CASD1: variants seen among roughly 807,000 people sequenced by gnomAD.
The protein encoded by CASD1 is CAS1 domain sialic acid O acetyltransferase 1.
Under a neutral mutation model 100.0 loss-of-function variants are expected in CASD1, and 41 were observed. That is an observed-to-expected ratio of 0.41 (90% CI 0.32 to 0.53). The LOEUF (loss-of-function observed/expected upper bound fraction) is 0.53. CASD1 is among the 20% of genes least tolerant of loss of function. The pLI, the probability that CASD1 is intolerant of heterozygous loss-of-function variation, is 0.25. For missense variants in CASD1, 774 were observed against 948.7 expected, an observed-to-expected ratio of 0.82 and a Z score of 2.42; for synonymous variants, 321 against 315.6, an observed-to-expected ratio of 1.02 and a Z score of -0.18.
intron 3 of CASD1, 78 bp downstream of exon 3, chr7:94,518,401 C>A: frequency 1.6e-6 from 2 of 1,277,556 alleles, no homozygotes; most frequent in East Asian, 2.7e-5. Flanking sequence ...GTGTGTCTCT[C>A]CAGATTGAGT....
In CASD1 at chr7:94,518,868, T is replaced by C. The variant is rs374631174; in HGVS notation, c.351+545T>C. 1.2e-4 allele frequency among the ~76,000 whole-genome samples: 18 copies of C among 152,190 alleles called. No homozygotes were observed. In the South Asian group the frequency reaches 1.5e-3, roughly 12 times the overall value. On this transcript the variant is annotated intron_variant, in intron 3 of 17. Transcript: ENST00000297273. ...GCTTTTTATAGTTTTCTAATTTAATTTTGCAGTTAAAAAATACATTTTAAA... is the reference window on the plus strand; with the variant it reads ...GCTTTTTATAGTTTTCTAATTTAATCTTGCAGTTAAAAAATACATTTTAAA...
chr7:94,567,270 T>G, the CASD1 span, among the ~76,000 whole-genome samples: 1 of 152,182 alleles, frequency 6.6e-6, no homozygotes, highest in Non-Finnish European at 1.5e-5. Flanking sequence ...TTTATTATAG[T>G]GATTTATTTT....
At chr7:94,579,415 C>T in the CASD1 span, among the ~76,000 whole-genome samples, 10 of 151,792 alleles carry the variant, frequency 6.6e-5, 1 homozygote, top group Non-Finnish European at 1.3e-4. Context: ...TGTACTGCAC[C>T]CTATTAATTG....
the CASD1 span, chr7:94,599,513 C>G: frequency 1.7e-6 from 1 of 584,426 alleles, no homozygotes; most frequent in Non-Finnish European, 3.1e-6. Context: ...GTTTTCAAAC[C>G]CTTTTTAGTT....
At chr7:94,522,662 AT>A (rs66505752) in intron 3 of CASD1, among the ~76,000 whole-genome samples, 2 of 148,114 alleles carry the variant, frequency 1.4e-5, no homozygotes, top group Admixed American at 6.7e-5. Context: ...ATTTTTATTT[AT>A]TTTTTTTTTT....
intron 1 of CASD1, among the ~76,000 whole-genome samples, chr7:94,511,510 C>T (rs1049748707): frequency 3.3e-5 from 5 of 151,868 alleles, no homozygotes; most frequent in Non-Finnish European, 7.4e-5. Flanking sequence ...GGCCTCTCTC[C>T]AGCTCTCTCC....
At chr7:94,526,328 T>A (rs1356941054) in intron 3 of CASD1, among the ~76,000 whole-genome samples, 1 of 152,250 alleles carries the variant, frequency 6.6e-6, no homozygotes, top group African/African-American at 2.4e-5. Context: ...TTCCTTAGTC[T>A]GTGCATCAGT....
chr7:94,620,778 T>A, the CASD1 span: 3 of 152,366 alleles, frequency 2.0e-5, no homozygotes, highest in Non-Finnish European at 4.4e-5. Context: ...TTCTGAGACC[T>A]GCTGCAAAGC....
At chr7:94,596,905 A>G in the CASD1 span, among the ~76,000 whole-genome samples, 1 of 152,312 alleles carries the variant, frequency 6.6e-6, no homozygotes, top group South Asian at 2.1e-4. Flanking sequence ...ATAACCTTAA[A>G]GAATAAGTAC....
At position 94,537,751 on chromosome 7, in the gene CASD1, G is replaced by A. The variant is rs780009738; in HGVS notation, c.1123G>A (p.Gly375Ser). 6.2e-7 allele frequency: 1 copy of A among 1,613,662 alleles called. No individual in the cohort carries two copies. Among genetic ancestry groups the A allele is most frequent in the Non-Finnish European group, 8.5e-7 (1 of 1,179,836 alleles). Residue 375 changes from glycine to serine, a missense_variant, in exon 9 of 18, where the codon GGC becomes AGC. Gly to Ser is a moderately conservative substitution (Grantham distance 56). Transcript: ENST00000297273. ...EILLQSFCKLGLIMAYFYMCD... is the reference protein window; with the variant it reads ...EILLQSFCKLSLIMAYFYMCD... ...ACTTTTACAATCTTTCTGCAAACTT[G>A]GCCTGATTATGGCATATTTCTATAT...
Position 94,545,652 on chromosome 7 carries a change from A to G in CASD1, c.1584A>G (p.Ile528Met), listed in dbSNP as rs1382912210. 3.1e-6 allele frequency: 5 copies of G among 1,610,132 alleles called. No homozygotes were observed. The highest frequency in any genetic ancestry group is 3.3e-5 in the Admixed American group (2 of 59,896). ...VPLVTVWFMV[I>M]YVTLALWPQI... The stretch of plus-strand genomic sequence containing the variant: ...TGGTCACTGTATGGTTCATGGTCAT[A>G]TATGTTACTTTAGCACTATGGCCAC... The change falls in exon 12 of 18, where the codon ATA becomes ATG. Residue 528 changes from isoleucine (I) to methionine (M), a missense_variant. Around this residue, in one of 5 missense-constraint regions of CASD1, gnomAD observed 453 missense variants for 532.6 expected, o/e 0.85. Transcript: ENST00000297273.
the CASD1 span, among the ~76,000 whole-genome samples, chr7:94,607,474 C>T: frequency 6.6e-6 from 1 of 152,238 alleles, no homozygotes; most frequent in Non-Finnish European, 1.5e-5. Context: ...CTGGGACTTT[C>T]CCCAGTTATG....
At chr7:94,610,969 G>A in the CASD1 span, among the ~76,000 whole-genome samples, 2 of 152,104 alleles carry the variant, frequency 1.3e-5, no homozygotes, top group African/African-American at 2.4e-5. Context: ...CTTTCACTAG[G>A]ATGGCTATAA....
At chr7:94,588,662 C>CA in the CASD1 span, 1 of 1,574,878 alleles carries the variant, frequency 6.3e-7, no homozygotes, top group Admixed American at 1.7e-5. Flanking sequence ...CATTCATAAA[C>CA]ATTAATTTAT....
At chr7:94,614,406 C>G in the CASD1 span, among the ~76,000 whole-genome samples, 2 of 152,174 alleles carry the variant, frequency 1.3e-5, no homozygotes, top group Admixed American at 1.3e-4. Flanking sequence ...ATTTCCTGCA[C>G]AGGTCCCTAA....
chr7:94,536,319 T>G (rs560465460), intron 8 of CASD1, among the ~76,000 whole-genome samples: 3 of 152,262 alleles, frequency 2.0e-5, no homozygotes, highest in Admixed American at 2.0e-4. Flanking sequence ...ACTGAACAAA[T>G]CCAAGTTGAC....
intron 4 of CASD1, 57 bp from the exon 5 acceptor site, chr7:94,528,131 A>G (rs896470852): frequency 1.1e-5 from 13 of 1,158,084 alleles, no homozygotes; most frequent in Non-Finnish European, 1.7e-5. Context: ...TTTATTTTGA[A>G]TGGTGGAATT....
At chr7:94,561,060 A>G (rs554489781), downstream of CASD1, among the ~76,000 whole-genome samples, 3 of 152,294 alleles carry the variant, frequency 2.0e-5, no homozygotes, top group South Asian at 6.2e-4. Flanking sequence ...AGCCTGGCCA[A>G]TATGGCAAAA....
rs765543598 is a variant in CASD1, at chr7:94,545,610, C to A, written c.1542C>A (p.Phe514Leu). Residue 514 changes from phenylalanine (F) to leucine (L), a missense_variant, in exon 12 of 18, where the codon TTC becomes TTA. Physicochemically the swap from Phe to Leu is conservative, Grantham distance 22. Around this residue, in one of 5 missense-constraint regions of CASD1, gnomAD observed 453 missense variants for 532.6 expected, o/e 0.85. Coordinates refer to ENST00000297273, the MANE Select transcript of CASD1 (RefSeq NM_022900.5). The part of the protein sequence containing the change: ...LCIVMDRPYQ[F>L]YYFVPLVTVW... Reference sequence around the variant, plus strand: ...TAGTAATGGATCGACCTTATCAATTCTATTACTTTGTCCCCTTGGTCACTG... The same window carrying A: ...TAGTAATGGATCGACCTTATCAATTATATTACTTTGTCCCCTTGGTCACTG... The A allele has an allele frequency of 6.2e-7, 1 of 1,609,768 alleles. No homozygotes were observed. Among genetic ancestry groups the A allele is most frequent in the African/African-American group, 1.3e-5 (1 of 74,798 alleles).
Sources: allele counts gnomAD v4.1 joint callset (sites outside exome capture counted in the v4.1 genomes callset), GRCh38; gene constraint gnomAD v4.1.1; regional missense constraint gnomAD v4.1.1; transcripts MANE v1.5; gene names NCBI Gene and HGNC (gene_info 2026-07-23, HGNC 2026-07-21).